SASH1: variants seen among roughly 807,000 people sequenced by gnomAD.
SASH1 encodes SAM and SH3 domain containing 1.
Under a neutral mutation model 125.2 loss-of-function variants are expected in SASH1, and 44 were observed. The ratio of observed to expected loss-of-function variants is 0.35; its 90% CI spans 0.28 to 0.45. The LOEUF is 0.45. SASH1 is among the 20% of genes least tolerant of loss of function. SASH1 has a pLI of 1.00. For synonymous variants in SASH1, 639 were observed against 649.1 expected (o/e 0.98, Z 0.24); for missense variants, 1,426 against 1,614.5 (o/e 0.88, Z 2.00).
chr6:148,265,246 G>C, the SASH1 span, among the ~76,000 whole-genome samples: 2 of 151,582 alleles, frequency 1.3e-5, no homozygotes, highest in Non-Finnish European at 2.9e-5. Flanking sequence ...GCAGTTCAAG[G>C]CTACAGTGAG....
chr6:148,473,499 C>T (rs1379676935), intron 6 of SASH1, among the ~76,000 whole-genome samples: 5 of 152,176 alleles, frequency 3.3e-5, no homozygotes, highest in Admixed American at 2.6e-4. Flanking sequence ...AGTGATCCAC[C>T]TGCCTTGGCC....
chr6:148,205,602 GC>G, the SASH1 span, among the ~76,000 whole-genome samples: 1 of 152,062 alleles, frequency 6.6e-6, no homozygotes, highest in Non-Finnish European at 1.5e-5. Flanking sequence ...CCTAAATCCT[GC>G]CCTTCCCAAC....
upstream of SASH1, among the ~76,000 whole-genome samples, chr6:148,269,400 G>C (rs1178298674): frequency 3.3e-5 from 5 of 151,994 alleles, no homozygotes; most frequent in African/African-American, 4.8e-5. Flanking sequence ...TTCCCAAGTA[G>C]CTAAGACCAC....
chr6:148,470,271 G>T (rs1312392717), intron 5 of SASH1, among the ~76,000 whole-genome samples: 1 of 152,142 alleles, frequency 6.6e-6, no homozygotes, highest in Non-Finnish European at 1.5e-5. Flanking sequence ...AAACTTAAAT[G>T]TGAGGGCATC....
At chr6:148,219,094 T>C in the SASH1 span, among the ~76,000 whole-genome samples, 2 of 152,152 alleles carry the variant, frequency 1.3e-5, no homozygotes, top group African/African-American at 4.8e-5. Context: ...GTTCAAAACA[T>C]GCCCACGCAG....
intron 2 of SASH1, among the ~76,000 whole-genome samples, chr6:148,401,634 T>C (rs1379913445): frequency 1.3e-5 from 2 of 152,202 alleles, no homozygotes; most frequent in East Asian, 1.9e-4. Flanking sequence ...ATTTAGAATA[T>C]GAAGACGTTC....
At chr6:148,291,478 C>T (rs1248443035) in intron 1 of SASH1, among the ~76,000 whole-genome samples, 2 of 152,052 alleles carry the variant, frequency 1.3e-5, no homozygotes, top group African/African-American at 4.8e-5. Context: ...GTCAGGAGTT[C>T]AAGACCAGCC....
At chr6:148,199,810 A>G in the SASH1 span, among the ~76,000 whole-genome samples, 1 of 151,718 alleles carries the variant, frequency 6.6e-6, no homozygotes, top group African/African-American at 2.4e-5. Flanking sequence ...GAGAAAGAAA[A>G]AGAGAGAGAG....
the SASH1 span, among the ~76,000 whole-genome samples, chr6:148,219,835 G>C: frequency 1.3e-5 from 2 of 152,200 alleles, no homozygotes; most frequent in African/African-American, 4.8e-5. Flanking sequence ...GTGCATAGGA[G>C]GCTCTTTACA....
intron 8 of SASH1, among the ~76,000 whole-genome samples, chr6:148,491,424 G>A (rs1369858836): frequency 6.6e-6 from 1 of 152,040 alleles, no homozygotes; most frequent in African/African-American, 2.4e-5. Flanking sequence ...CATGCGCCAC[G>A]ACGCCAAGCT....
intron 1 of SASH1, among the ~76,000 whole-genome samples, chr6:148,307,094 T>TTCTTTCTTTCTTTCTC (rs1240787953): frequency 8.3e-6 from 1 of 120,756 alleles, no homozygotes; most frequent in African/African-American, 3.2e-5. Flanking sequence ...CTTTCTTTCT[T>TTCTTTCTTTCTTTCTC]TCTCTCTCTC....
upstream of SASH1, among the ~76,000 whole-genome samples, chr6:148,338,297 C>T (rs1338013045): frequency 6.6e-6 from 1 of 151,526 alleles, no homozygotes; most frequent in African/African-American, 2.4e-5. Flanking sequence ...CATGGTGGCA[C>T]GTGCCTGTAA....
At chr6:148,420,923 A>G (rs1330311928) in intron 2 of SASH1, among the ~76,000 whole-genome samples, 1 of 151,938 alleles carries the variant, frequency 6.6e-6, no homozygotes, top group Non-Finnish European at 1.5e-5. Flanking sequence ...TCTATTAAAA[A>G]TACACAAAAA....
the SASH1 span, among the ~76,000 whole-genome samples, chr6:148,215,367 T>C: frequency 2.6e-5 from 4 of 152,212 alleles, no homozygotes; most frequent in South Asian, 2.1e-4. Context: ...GTGAAACTTA[T>C]GAAATTTTAA....
At chr6:148,264,123 G>A in the SASH1 span, among the ~76,000 whole-genome samples, 1 of 146,210 alleles carries the variant, frequency 6.8e-6, no homozygotes. Context: ...AGACCTGAAG[G>A]TATGCGTTTC....
intron 4 of SASH1, among the ~76,000 whole-genome samples, chr6:148,448,469 G>A (rs1776915788): frequency 6.6e-6 from 1 of 152,094 alleles, no homozygotes; most frequent in African/African-American, 2.4e-5. Flanking sequence ...CTCCCCACGT[G>A]AGTCCCTGTT....
chr6:148,314,769 CTTTT>C (rs34187478), intron 1 of SASH1, among the ~76,000 whole-genome samples: 28 of 132,740 alleles, frequency 2.1e-4, no homozygotes, highest in Non-Finnish European at 2.7e-4. Context: ...GTATAAATGA[CTTTT>C]TTTTTTTTTT....
At position 148,499,142 on chromosome 6, in the gene SASH1, A is replaced by C. The variant is rs534340756; in HGVS notation, c.729+11427A>C. On this transcript the variant is annotated intron_variant, in intron 8 of 19. Transcript: ENST00000367467. ...GCACTATCTCGGCTCACTGCAACAAAATTCTTAGAACGATAGTCAGTCATG... is the reference window on the plus strand; with the variant it reads ...GCACTATCTCGGCTCACTGCAACAACATTCTTAGAACGATAGTCAGTCATG... Among the ~76,000 whole-genome samples, 5 of 151,466 alleles carry C rather than the reference A, an allele frequency of 3.3e-5. No individual in the cohort carries two copies. In the South Asian group the frequency reaches 1.0e-3, roughly 32 times the overall value.
intron 7 of SASH1, among the ~76,000 whole-genome samples, chr6:148,482,399 A>T (rs1387862347): frequency 5.9e-5 from 9 of 152,222 alleles, no homozygotes; most frequent in Admixed American, 5.9e-4. Flanking sequence ...TTGATCTGAT[A>T]ATGTATGTAT....
Sources: gnomAD v4.1 joint callset for allele counts (sites outside exome capture counted in the v4.1 genomes callset) on GRCh38, gnomAD v4.1.1 for gene constraint, MANE v1.5 for transcripts, NCBI Gene and HGNC (gene_info 2026-07-23, HGNC 2026-07-21) for gene names.